Variants in TTC39B observed in about 807,000 individuals in gnomAD.
TTC39B encodes the protein tetratricopeptide repeat protein 39B.
Under a neutral mutation model 96.6 loss-of-function variants are expected in TTC39B, and 92 were observed. That is an observed-to-expected ratio of 0.95 (90% CI 0.80 to 1.13). The LOEUF is 1.13. Ranked by LOEUF, TTC39B falls within the 50% of genes most tolerant of loss-of-function variation. TTC39B has a pLI of 0.00. For missense variants in TTC39B, 955 were observed against 809.3 expected, an observed-to-expected ratio of 1.18 and a Z score of -2.18; for synonymous variants, 367 against 299.4, an observed-to-expected ratio of 1.23 and a Z score of -2.33.
intron 2 of TTC39B, among the ~76,000 whole-genome samples, chr9:15,250,406 C>T (rs1257059193): frequency 6.9e-6 from 1 of 144,752 alleles, no homozygotes; most frequent in Admixed American, 6.9e-5. Flanking sequence ...TAAAAAGGGA[C>T]AATTAAGAAA....
chr9:15,173,548 T>C (rs1817769937), intron 19 of TTC39B, among the ~76,000 whole-genome samples: 1 of 152,182 alleles, frequency 6.6e-6, no homozygotes, highest in Non-Finnish European at 1.5e-5. Context: ...CATGCTCTTC[T>C]TTTTGAAACA....
At chr9:15,176,247 T>C (rs762439806) in intron 18 of TTC39B, among the ~76,000 whole-genome samples, 3 of 152,188 alleles carry the variant, frequency 2.0e-5, no homozygotes, top group Non-Finnish European at 4.4e-5. Flanking sequence ...TCCACAATTA[T>C]AAAGCACATG....
intron 2 of TTC39B, among the ~76,000 whole-genome samples, chr9:15,227,229 A>G (rs1259897548): frequency 6.6e-6 from 1 of 151,052 alleles, no homozygotes; most frequent in African/African-American, 2.4e-5. Context: ...AATCGCTTGA[A>G]CCCAGGAGGC....
chr9:15,165,017 T>A (rs1432531237), exon 20 of TTC39B: 1 of 152,222 alleles, frequency 6.6e-6, no homozygotes, highest in African/African-American at 2.4e-5. Flanking sequence ...CTGTCTACTT[T>A]GAAGAATAAA....
chr9:15,206,508 T>C (rs987696434), intron 6 of TTC39B, among the ~76,000 whole-genome samples: 1 of 152,234 alleles, frequency 6.6e-6, no homozygotes, highest in African/African-American at 2.4e-5. Context: ...TGTGGTTGAT[T>C]TACATTGCAT....
In TTC39B at chr9:15,203,894, C is replaced by A; in HGVS notation, c.692-4G>T. On this transcript the variant is annotated splice_region_variant and splice_polypyrimidine_tract_variant and intron_variant, in intron 6 of 19. Transcript: ENST00000512701. ...CAGATTTCAGCATGCATTTCCTCTA[C>A]AAAAAACAAATAAAATTATATTAAG... 2 of 1,610,996 alleles carry A rather than the reference C, an allele frequency of 1.2e-6. No homozygotes were observed. The highest frequency in any genetic ancestry group is 2.2e-5 in the South Asian group (2 of 90,626).
At chr9:15,172,145 T>C (rs746779580) in intron 19 of TTC39B, 36 bp from the exon 20 acceptor site, 1 of 1,491,100 alleles carries the variant, frequency 6.7e-7, no homozygotes, top group Admixed American at 1.7e-5. Flanking sequence ...ACAGTCAAAA[T>C]TTCCTTATAT....
chr9:15,251,700 CATATATATATATAT>C (rs57422881), intron 2 of TTC39B, among the ~76,000 whole-genome samples: 14,385 of 98,354 alleles, frequency 0.15, 1,282 homozygotes, highest in African/African-American at 0.23. Context: ...CATACATATA[CATATATATATATAT>C]ATATATATAT....
intron 2 of TTC39B, among the ~76,000 whole-genome samples, chr9:15,253,301 A>C (rs1399128850): frequency 1.3e-5 from 2 of 152,222 alleles, no homozygotes; most frequent in African/African-American, 4.8e-5. Flanking sequence ...GACACAAAAA[A>C]ACAGAAGGTG....
intron 2 of TTC39B, among the ~76,000 whole-genome samples, chr9:15,263,635 G>A (rs769122370): frequency 2.6e-5 from 4 of 152,134 alleles, no homozygotes; most frequent in Non-Finnish European, 4.4e-5. Context: ...ACGCTGTAAG[G>A]CAAAAGTACG....
intron 18 of TTC39B, among the ~76,000 whole-genome samples, chr9:15,175,414 T>C (rs1272401691): frequency 6.6e-6 from 1 of 152,184 alleles, no homozygotes; most frequent in Non-Finnish European, 1.5e-5. Flanking sequence ...AGATTAACCC[T>C]AGAAATGGCA....
At chr9:15,241,500 G>A (rs1031987808) in intron 2 of TTC39B, among the ~76,000 whole-genome samples, 4 of 152,072 alleles carry the variant, frequency 2.6e-5, no homozygotes, top group Admixed American at 1.3e-4. Context: ...TGCTCTCAAA[G>A]ATGATACCTG....
chr9:15,306,936 G>C lies in TTC39B; in HGVS notation c.240+148C>G. On this transcript the variant is annotated intron_variant, in intron 1 of 19. Coordinates refer to ENST00000512701, the Ensembl canonical transcript of TTC39B. This position sits in a 1 kb window ranked among gnomAD's most constrained non-coding sequence, Gnocchi z 5.1. ...CAGCGGGGACAGACCTACCAAGGCC[G>C]GGCGCCCCCACCCGGCGCCCGCCAG... is the stretch of plus-strand genomic sequence containing the variant. 1.8e-6 allele frequency: 2 copies of C among 1,129,978 alleles called. No homozygotes were observed. Among genetic ancestry groups the C allele is most frequent in the Non-Finnish European group, 2.5e-6 (2 of 810,928 alleles). The allele number at this position is 1,129,978 out of a possible 1,614,324, so 70.0% of individuals were successfully genotyped here.
At chr9:15,223,764 T>C (rs1177962332) in intron 3 of TTC39B, among the ~76,000 whole-genome samples, 1 of 151,972 alleles carries the variant, frequency 6.6e-6, no homozygotes, top group African/African-American at 2.4e-5. Context: ...TGAGTACAGG[T>C]TGAGCATCCC....
At chr9:15,267,834 G>A (rs1421761846) in intron 2 of TTC39B, 80 bp downstream of exon 2, 2 of 1,329,502 alleles carry the variant, frequency 1.5e-6, no homozygotes, top group Non-Finnish European at 1.1e-6. Flanking sequence ...TCCAAAAAAT[G>A]AGAATGAAAT....
At chr9:15,289,107 A>G (rs1824085894) in intron 1 of TTC39B, among the ~76,000 whole-genome samples, 1 of 152,232 alleles carries the variant, frequency 6.6e-6, no homozygotes, top group Non-Finnish European at 1.5e-5. Flanking sequence ...GCCCCACTGT[A>G]TAAGTGAGGA....
intron 4 of TTC39B, among the ~76,000 whole-genome samples, chr9:15,212,159 ATTAATG>A (rs1264705999): frequency 6.6e-6 from 1 of 152,246 alleles, no homozygotes; most frequent in Non-Finnish European, 1.5e-5. Context: ...TAATTTAAAT[ATTAATG>A]CATAACAGCC....
At chr9:15,291,501 T>C (rs572894050) in intron 1 of TTC39B, among the ~76,000 whole-genome samples, 15 of 152,322 alleles carry the variant, frequency 9.8e-5, no homozygotes, top group Non-Finnish European at 1.8e-4. Context: ...TTGCCCAGTC[T>C]CAGGTATGTC....
At chr9:15,261,464 G>T (rs1017462656) in intron 2 of TTC39B, among the ~76,000 whole-genome samples, 79 of 118,240 alleles carry the variant, frequency 6.7e-4, no homozygotes, top group African/African-American at 2.9e-3. Context: ...GACAGAGTGA[G>T]ATCCTATCAA....
Sources: allele counts gnomAD v4.1 joint callset (sites outside exome capture counted in the v4.1 genomes callset), GRCh38; gene constraint gnomAD v4.1.1; non-coding constraint Gnocchi (gnomAD v3.1); transcripts MANE v1.5; gene names NCBI Gene and HGNC (gene_info 2026-07-23, HGNC 2026-07-21).